GPT2: variants seen among roughly 807,000 people sequenced by gnomAD.
The protein encoded by GPT2 is glutamic--pyruvic transaminase 2.
GPT2 carries 30 observed loss-of-function variants against 56.9 expected under a neutral mutation model. That is an observed-to-expected ratio of 0.53 (90% CI 0.39 to 0.72). The LOEUF (loss-of-function observed/expected upper bound fraction) is 0.72, where lower values mean the gene tolerates loss of function less well. Ranked by LOEUF, GPT2 falls within the 30% of genes least tolerant of loss-of-function variation. The pLI is 0.00. For missense variants in GPT2, 542 were observed against 703.4 expected, an observed-to-expected ratio of 0.77 and a Z score of 2.60; for synonymous variants, 271 against 283.1, an observed-to-expected ratio of 0.96 and a Z score of 0.43.
chr16:46,902,073 G>A (rs1393684638), intron 4 of GPT2, among the ~76,000 whole-genome samples: 1 of 152,260 alleles, frequency 6.6e-6, no homozygotes, highest in African/African-American at 2.4e-5. Flanking sequence ...TGTGCCTTTT[G>A]TGTGTCTGAT....
At chr16:46,916,191 A>G (rs1256167091) in intron 6 of GPT2, 1 of 155,450 alleles carries the variant, frequency 6.4e-6, no homozygotes, top group Non-Finnish European at 1.4e-5. Context: ...TACTAAAAAT[A>G]CAAAATTGGC....
intron 8 of GPT2, among the ~76,000 whole-genome samples, chr16:46,919,606 G>A (rs1244344685): frequency 6.6e-6 from 1 of 152,242 alleles, no homozygotes; most frequent in Admixed American, 6.5e-5. Flanking sequence ...CGGGGGCAGT[G>A]GCAGGAGTGG....
chr16:46,925,873 C>G (rs1961396977), intron 10 of GPT2, among the ~76,000 whole-genome samples: 1 of 151,848 alleles, frequency 6.6e-6, no homozygotes. Context: ...GTGGCTCATG[C>G]CTGTAATCAC....
chr16:46,928,314 T>G (rs1439759647), intron 11 of GPT2, among the ~76,000 whole-genome samples: 1 of 150,662 alleles, frequency 6.6e-6, no homozygotes, highest in Non-Finnish European at 1.5e-5. Flanking sequence ...GGCAGCAGAG[T>G]GAGACCCTAT....
chr16:46,916,734 T>G, intron 7 of GPT2, 27 bp downstream of exon 7: 2 of 1,503,986 alleles, frequency 1.3e-6, no homozygotes, highest in East Asian at 2.3e-5. Context: ...TCAGAGGGAG[T>G]GGGCACTAGC....
In GPT2 at chr16:46,924,518, C is replaced by G. The variant is rs1223414170; in HGVS notation, c.1342C>G (p.Pro448Ala). Reference sequence around the variant, plus strand: ...GTACGCCTTCCCTCGGATCTTCATTCCTGCCAAAGCTGTGGAGGCTGCTCA... The same window carrying G: ...GTACGCCTTCCCTCGGATCTTCATTGCTGCCAAAGCTGTGGAGGCTGCTCA... ...AMYAFPRIFI[P>A]AKAVEAAQAH... Residue 448 changes from proline to alanine, a missense_variant, in exon 10 of 12, where the codon CCT (proline) becomes GCT (alanine). By Grantham distance (27) the Pro-to-Ala change is conservative (BLOSUM62 -1). Transcript: ENST00000340124. 6.2e-7 allele frequency: 1 copy of G among 1,614,106 alleles called. No individual in the cohort carries two copies.
chr16:46,886,551 G>A (rs193210104), intron 2 of GPT2, among the ~76,000 whole-genome samples: 2 of 152,150 alleles, frequency 1.3e-5, no homozygotes, highest in African/African-American at 4.8e-5. Flanking sequence ...GGCAGAATAC[G>A]TGAGAGCCTT....
intron 2 of GPT2, among the ~76,000 whole-genome samples, chr16:46,894,130 C>A (rs925921069): frequency 8.5e-5 from 13 of 152,346 alleles, no homozygotes; most frequent in Admixed American, 7.2e-4. Context: ...CCAGGATCTG[C>A]AGGCACCAAG....
chr16:46,914,039 G>T (rs899523800), intron 6 of GPT2, among the ~76,000 whole-genome samples: 2 of 152,192 alleles, frequency 1.3e-5, no homozygotes, highest in East Asian at 3.8e-4. Context: ...TTGTTAAGAA[G>T]TTAGCAAGCC....
At chr16:46,903,552 C>T (rs1365779098) in intron 4 of GPT2, among the ~76,000 whole-genome samples, 1 of 152,180 alleles carries the variant, frequency 6.6e-6, no homozygotes, top group Non-Finnish European at 1.5e-5. Flanking sequence ...AGCAATCATC[C>T]TGCCTCAGCC....
At chr16:46,906,691 T>C in intron 4 of GPT2, 151 bp from the exon 5 acceptor site, 1 of 1,004,368 alleles carries the variant, frequency 1.0e-6, no homozygotes. Flanking sequence ...GGTTAAGCAG[T>C]TTCCCACAGT....
chr16:46,929,008 G>GC lies in GPT2; in HGVS notation c.*15dup. ...GAGAAGTACGCGTGAGGACGCCTGA[G>GC]CCCCAGCGGGAGACCTGTCCTTGGC... On this transcript the variant is annotated 3_prime_UTR_variant, in exon 12 of 12. Transcript: ENST00000340124. 6.2e-7 allele frequency: 1 copy of GC among 1,608,362 alleles called. No individual in the cohort carries two copies. The highest frequency in any genetic ancestry group is 1.1e-5 in the South Asian group (1 of 90,964).
chr16:46,884,482 T>G lies in GPT2; in HGVS notation c.-23+15T>G. On this transcript the variant is annotated intron_variant, in intron 1 of 11. Coordinates refer to ENST00000340124, the MANE Select transcript of GPT2 (RefSeq NM_133443.4). Reference sequence around the variant, plus strand: ...AGGGGCGACAGGCACGTTGCATGCATGCCTTGGGCGCAGCCTTTGCGAAAG... The same window carrying G: ...AGGGGCGACAGGCACGTTGCATGCAGGCCTTGGGCGCAGCCTTTGCGAAAG... 2.6e-6 allele frequency: 1 copy of G among 390,106 alleles called. No individual in the cohort carries two copies. The highest frequency in any genetic ancestry group is 4.4e-6 in the Non-Finnish European group (1 of 228,036). The allele number at this position is 390,106 out of a possible 1,614,324, so 24.2% of individuals were successfully genotyped here.
In GPT2 at chr16:46,884,408, G is replaced by T; in HGVS notation, c.-82G>T. The T allele has an allele frequency of 4.3e-6, 1 of 232,252 alleles. No individual in the cohort carries two copies. Among genetic ancestry groups the T allele is most frequent in the Non-Finnish European group, 8.3e-6 (1 of 120,466 alleles). 14.4% of individuals were successfully genotyped at this position (232,252 alleles called of 1,614,324 possible). The stretch of plus-strand genomic sequence containing the variant: ...GATGCGGCTGTGGGCGCCGGGGCCG[G>T]GTAGCTGCTCCAGGCGCGCGAGCTA... On this transcript the variant is annotated 5_prime_UTR_variant, in exon 1 of 12. Transcript: ENST00000340124.
At chr16:46,899,117 C>G (rs1156901125) in intron 3 of GPT2, among the ~76,000 whole-genome samples, 1 of 150,380 alleles carries the variant, frequency 6.6e-6, no homozygotes, top group Non-Finnish European at 1.5e-5. Flanking sequence ...TCTGTAACCT[C>G]AAACTCCTGG....
At chr16:46,890,352 T>C (rs1960562468) in intron 2 of GPT2, among the ~76,000 whole-genome samples, 1 of 152,150 alleles carries the variant, frequency 6.6e-6, no homozygotes, top group South Asian at 2.1e-4. Context: ...CACATTGTGC[T>C]CCTAGGCCTG....
intron 4 of GPT2, among the ~76,000 whole-genome samples, chr16:46,905,405 G>T (rs750844002): frequency 1.3e-5 from 2 of 152,204 alleles, no homozygotes; most frequent in African/African-American, 2.4e-5. Context: ...ACTGATGCAT[G>T]CTGAGGCCCC....
At chr16:46,894,244 T>A (rs1394194667) in intron 2 of GPT2, among the ~76,000 whole-genome samples, 1 of 152,202 alleles carries the variant, frequency 6.6e-6, no homozygotes, top group Non-Finnish European at 1.5e-5. Context: ...CAGGGCTCTG[T>A]TCCAGGCGTT....
At chr16:46,885,928 T>G (rs1960473804) in intron 2 of GPT2, among the ~76,000 whole-genome samples, 1 of 151,848 alleles carries the variant, frequency 6.6e-6, no homozygotes, top group Admixed American at 6.6e-5. Flanking sequence ...GGAAGGAGGG[T>G]TCCTTGATCT....
Sources: gnomAD v4.1 joint callset for allele counts (sites outside exome capture counted in the v4.1 genomes callset) on GRCh38, gnomAD v4.1.1 for gene constraint, MANE v1.5 for transcripts, NCBI Gene and HGNC (gene_info 2026-07-23, HGNC 2026-07-21) for gene names.